The following NCOA5 variants were observed in gnomAD, a reference collection of about 807,000 sequenced individuals.
The protein encoded by NCOA5 is NCoA-5.
Under a neutral mutation model 59.0 loss-of-function variants are expected in NCOA5, and 12 were observed. The ratio of observed to expected loss-of-function variants is 0.20; its 90% confidence interval spans 0.13 to 0.33. NCOA5 has a LOEUF of 0.33. Ranked by LOEUF, NCOA5 falls within the 10% of genes least tolerant of loss-of-function variation. The probability of loss-of-function intolerance (pLI) is 1.00; values close to 1 mark genes in which losing one functional copy is unlikely to be tolerated. For missense variants in NCOA5, 655 were observed against 766.6 expected (o/e 0.85, Z 1.72); for synonymous variants, 270 against 275.5 (o/e 0.98, Z 0.20).
In NCOA5 at chr20:46,081,044, T is replaced by C. The variant is rs190671272; in HGVS notation, c.-29-1591A>G. Among the ~76,000 whole-genome samples the C allele has an allele frequency of 5.3e-5, 8 of 152,258 alleles. No individual in the cohort carries two copies. The East Asian group carries it at 1.2e-3, about 22-fold the overall frequency. On this transcript the variant is annotated intron_variant, in intron 1 of 7. Transcript: ENST00000290231. The stretch of plus-strand genomic sequence containing the variant: ...TCTGTTCACTTACTGTGTACCACTT[T>C]CTAATTATATAGGTTGGCTATGATT...
chr20:46,070,433 C>A lies in NCOA5; in HGVS notation c.142G>T (p.Ala48Ser), dbSNP rs1350012612. ...EPRDGRNGRD[A>S]RDSRDIRDPR... ...TCTCGAATGTCTCTGCTGTCCCGGG[C>A]ATCCCGGCCATTTCTGCCATCCCTG... The change falls in exon 3 of 8, where the codon GCC becomes TCC. Residue 48 changes from alanine to serine, a missense_variant. Ala to Ser is a moderately conservative substitution (Grantham distance 99). Coordinates refer to ENST00000290231, the MANE Select transcript of NCOA5 (RefSeq NM_020967.3). The A allele has an allele frequency of 2.5e-6, 4 of 1,613,998 alleles. No individual in the cohort carries two copies. Among genetic ancestry groups the A allele is most frequent in the South Asian group, 1.1e-5 (1 of 91,062 alleles).
intron 2 of NCOA5, among the ~76,000 whole-genome samples, chr20:46,075,594 T>C (rs1359700585): frequency 2.0e-5 from 3 of 152,182 alleles, no homozygotes; most frequent in Admixed American, 6.5e-5. Context: ...TTAATTCTAT[T>C]TGTTCTTCTT....
chr20:46,070,243 C>T lies in NCOA5; in HGVS notation c.332G>A (p.Arg111Lys). 3 of 1,614,132 alleles carry T rather than the reference C, an allele frequency of 1.9e-6. No individual in the cohort carries two copies. ...DQRDPMYDRYRDMRDSRDPMY... is the reference protein window; with the variant it reads ...DQRDPMYDRYKDMRDSRDPMY... ...AGGATCTCGGGAGTCTCTCATGTCT[C>T]TGTATCTGTCGTACATGGGGTCTCG... Residue 111 changes from arginine to lysine, a missense_variant, in exon 3 of 8, where the codon AGA becomes AAA. This residue lies in a region of NCOA5 where 250 missense variants were observed against 260.1 expected (regional missense o/e 0.96). Transcript: ENST00000290231.
At chr20:46,082,100 G>C (rs1025254277) in intron 1 of NCOA5, among the ~76,000 whole-genome samples, 1 of 152,046 alleles carries the variant, frequency 6.6e-6, no homozygotes, top group Non-Finnish European at 1.5e-5. Context: ...CTTTGAAAAT[G>C]CAAATATTGA....
At chr20:46,064,981 A>G (rs1485125038) in intron 6 of NCOA5, 48 bp downstream of exon 6, 4 of 1,594,760 alleles carry the variant, frequency 2.5e-6, no homozygotes, top group Non-Finnish European at 3.4e-6. Context: ...TAAGGCATAA[A>G]GGACTAATAA....
chr20:46,062,519 C>G lies in NCOA5; in HGVS notation c.1521G>C (p.Gly507=), dbSNP rs1363913184. Residue 507 remains glycine (G), a synonymous_variant, in exon 8 of 8, where the codon GGG becomes GGC. Coordinates refer to ENST00000290231, the MANE Select transcript of NCOA5 (RefSeq NM_020967.3). ...GGCGACTGGAAGGCTGGCCAAAAAG[C>G]CCTTGGGAAGGAGCCCCAGGTCTGG... ...MGPRPGAPSQ[G]LFGQPSSRLA... 2 of 1,614,168 alleles carry G rather than the reference C, an allele frequency of 1.2e-6. No homozygotes were observed. The highest frequency in any genetic ancestry group is 4.5e-5 in the East Asian group (2 of 44,874).
At chr20:46,072,676 G>T (rs2084895245) in intron 2 of NCOA5, among the ~76,000 whole-genome samples, 2 of 152,164 alleles carry the variant, frequency 1.3e-5, no homozygotes. Context: ...TACGTGAGTA[G>T]CAGGAAGAGA....
Position 46,065,081 on chromosome 20 carries a change from T to C in NCOA5, c.777A>G (p.Gln259=). 6.2e-7 allele frequency: 1 copy of C among 1,614,192 alleles called. No homozygotes were observed. The highest frequency in any genetic ancestry group is 8.5e-7 in the Non-Finnish European group (1 of 1,180,048). The change falls in exon 6 of 8, where the codon CAA becomes CAG. Residue 259 remains glutamine (Q), a synonymous_variant. Coordinates refer to ENST00000290231, the MANE Select transcript of NCOA5 (RefSeq NM_020967.3). ...GSPFAIVITQ[Q]HQIHRSCTVN... is the part of the protein sequence containing the mutation. ...CTGTGCAGGAGCGGTGAATCTGGTG[T>C]TGCTGGGTGATGACAATAGCAAAAG...
At position 46,062,888 on chromosome 20, in the gene NCOA5, G is replaced by A. The variant is rs1347564947; in HGVS notation, c.1152C>T (p.Gly384=). 10 of 1,514,010 alleles carry A rather than the reference G, an allele frequency of 6.6e-6. No individual in the cohort carries two copies. Among genetic ancestry groups the A allele is most frequent in the Non-Finnish European group, 8.8e-6 (10 of 1,133,340 alleles). 93.8% of individuals were successfully genotyped at this position (1,514,010 alleles called of 1,614,324 possible). A position where few individuals can be genotyped will look rare whatever the true frequency, so the allele number is the denominator to read the frequency against. The change falls in exon 8 of 8, where the codon GGC becomes GGT. Residue 384 remains glycine (G), a splice_region_variant and synonymous_variant. Coordinates refer to ENST00000290231, the MANE Select transcript of NCOA5 (RefSeq NM_020967.3). ...LMRSSTDSLP[G]PISRQPLGAT... ...CCCCGAGTGGTTGGCGGGAAATCGG[G>A]CCTGGAAGACAGAAGAGGGAGGTAT...
Position 46,079,391 on chromosome 20 carries a change from G to C in NCOA5, c.34C>G (p.Arg12Gly). The change falls in exon 2 of 8, where the codon CGA (arginine) becomes GGA (glycine). Residue 12 changes from arginine (R) to glycine (G), a missense_variant. Physicochemically the swap from Arg to Gly is moderately radical, Grantham distance 125. Transcript: ENST00000290231. ...CACGGCTTCAGGGTACTTTACCTTC[G>C]TGTGGGGCTGGGTCTTGATGGAGCC... Reference protein sequence around the residue: ...NTAPSRPSPTRRDPYGFGDSR... With the variant: ...NTAPSRPSPTGRDPYGFGDSR... The C allele has an allele frequency of 6.2e-7, 1 of 1,613,986 alleles. No homozygotes were observed. Among genetic ancestry groups the C allele is most frequent in the African/African-American group, 1.3e-5 (1 of 74,992 alleles).
intron 1 of NCOA5, among the ~76,000 whole-genome samples, chr20:46,082,071 T>C (rs1308660606): frequency 1.3e-5 from 2 of 152,106 alleles, no homozygotes; most frequent in Non-Finnish European, 2.9e-5. Flanking sequence ...AAGCAGAGGG[T>C]TCATTTAAAA....
intron 2 of NCOA5, among the ~76,000 whole-genome samples, chr20:46,074,750 A>G (rs1488701273): frequency 6.6e-6 from 1 of 152,250 alleles, no homozygotes; most frequent in Admixed American, 6.5e-5. Context: ...GACAGCCTAC[A>G]GAGTAAGAAC....
Position 46,062,307 on chromosome 20 carries a change from T to C in NCOA5, c.1733A>G (p.His578Arg). 4.3e-6 allele frequency: 7 copies of C among 1,610,492 alleles called. No homozygotes were observed. Among genetic ancestry groups the C allele is most frequent in the Non-Finnish European group, 5.9e-6 (7 of 1,177,932 alleles). ...GAGTTGAAAGATTTAGCTTCAGTAA[T>C]GCCTCTGGTAAGATCCCATGGGGGC... Reference protein sequence around the residue: ...PQAPMGSYQRHY With the variant: ...PQAPMGSYQRRY The change falls in exon 8 of 8, where the codon CAT becomes CGT. Residue 578 changes from histidine (H) to arginine (R), a missense_variant. By Grantham distance (29) the His-to-Arg change is conservative. This residue lies in a region of NCOA5 where 325 missense variants were observed against 353.2 expected (regional missense o/e 0.92). Transcript: ENST00000290231.
chr20:46,078,191 T>C (rs941523654), intron 2 of NCOA5, among the ~76,000 whole-genome samples: 7 of 152,220 alleles, frequency 4.6e-5, no homozygotes, highest in Non-Finnish European at 1.0e-4. Flanking sequence ...TACTTGCCCT[T>C]AGGGTCTGCT....
intron 2 of NCOA5, among the ~76,000 whole-genome samples, chr20:46,077,470 T>C (rs1398185010): frequency 6.6e-6 from 1 of 152,196 alleles, no homozygotes; most frequent in Non-Finnish European, 1.5e-5. Flanking sequence ...TGATATAAAA[T>C]ACCCTTCTCA....
rs942592855 is a variant in NCOA5, at chr20:46,061,513, A to G, written c.*787T>C. Reference sequence around the variant, plus strand: ...GTTCACGGCCAGAGTCTCAGAACCAACTTCATGGAAGTGCTGCTGGAGAGG... The same window carrying G: ...GTTCACGGCCAGAGTCTCAGAACCAGCTTCATGGAAGTGCTGCTGGAGAGG... On this transcript the variant is annotated 3_prime_UTR_variant, in exon 8 of 8. Coordinates refer to ENST00000290231, the MANE Select transcript of NCOA5 (RefSeq NM_020967.3). 2 of 152,562 alleles carry G rather than the reference A, an allele frequency of 1.3e-5. No individual in the cohort carries two copies. Among genetic ancestry groups the G allele is most frequent in the African/African-American group, 2.4e-5 (1 of 41,416 alleles). 9.5% of individuals were successfully genotyped at this position (152,562 alleles called of 1,614,324 possible). A position where few individuals can be genotyped will look rare whatever the true frequency, so the allele number is the denominator to read the frequency against.
intron 4 of NCOA5, 103 bp from the exon 5 acceptor site, chr20:46,067,284 G>C (rs1450537062): frequency 1.5e-6 from 2 of 1,327,564 alleles, no homozygotes; most frequent in Non-Finnish European, 2.0e-6. Context: ...TCAATCCTCT[G>C]GTCTATCTCC....
chr20:46,068,438 G>C (rs2084846979), intron 4 of NCOA5, 64 bp downstream of exon 4: 1 of 1,529,502 alleles, frequency 6.5e-7, no homozygotes, highest in Non-Finnish European at 8.8e-7. Context: ...CTGGTTATTA[G>C]TTTCCTCTCT....
chr20:46,085,309 G>C (rs1288294700), intron 1 of NCOA5, among the ~76,000 whole-genome samples: 2 of 152,076 alleles, frequency 1.3e-5, no homozygotes, highest in Admixed American at 6.5e-5. Context: ...TTATAGGCAT[G>C]AGTCACCATG....
Sources: allele counts gnomAD v4.1 joint callset (sites outside exome capture counted in the v4.1 genomes callset), GRCh38; gene constraint gnomAD v4.1.1; regional missense constraint gnomAD v4.1.1; transcripts MANE v1.5; gene names NCBI Gene and HGNC (gene_info 2026-07-23, HGNC 2026-07-21).